Variants in LEMD1 observed in about 807,000 individuals in gnomAD.
LEMD1 encodes LEM domain-containing protein 1.
Under a neutral mutation model 17.4 loss-of-function variants are expected in LEMD1, and 18 were observed. The ratio of observed to expected loss-of-function variants is 1.04; its 90% CI spans 0.72 to 1.54. LEMD1 has a LOEUF of 1.54. LEMD1 is among the 40% of genes most tolerant of loss of function. The pLI, the probability that LEMD1 is intolerant of heterozygous loss-of-function variation, is 0.00. For synonymous variants in LEMD1, 88 were observed against 77.8 expected (o/e 1.13, Z -0.69); for missense variants, 195 against 210.4 (o/e 0.93, Z 0.45).
chr1:205,414,420 C>CA (rs11453227), intron 4 of LEMD1, among the ~76,000 whole-genome samples: 101,063 of 140,268 alleles, frequency 0.72, 36,028 homozygotes, highest in East Asian at 0.93. Flanking sequence ...CCTGTCTCTA[C>CA]AAAAAAAAAA....
intron 4 of LEMD1, among the ~76,000 whole-genome samples, chr1:205,412,001 C>T (rs1283123326): frequency 1.3e-5 from 2 of 152,168 alleles, no homozygotes; most frequent in African/African-American, 2.4e-5. Context: ...ACCTTGGAAC[C>T]GCTCCCAAAC....
At chr1:205,400,218 T>C (rs1321590523) in intron 4 of LEMD1, among the ~76,000 whole-genome samples, 1 of 152,118 alleles carries the variant, frequency 6.6e-6, no homozygotes, top group Non-Finnish European at 1.5e-5. Context: ...CGTGCCACCA[T>C]GCCCAGCTAA....
In LEMD1 at chr1:205,421,991, C is replaced by A. The variant is rs1014862389; in HGVS notation, c.-40G>T. 2 of 152,146 alleles carry A rather than the reference C, an allele frequency of 1.3e-5. No individual in the cohort carries two copies. The highest frequency in any genetic ancestry group is 4.8e-5 in the African/African-American group (2 of 41,422). 9.4% of individuals were successfully genotyped at this position (152,146 alleles called of 1,614,324 possible). A position where few individuals can be genotyped will look rare whatever the true frequency, so the allele number is the denominator to read the frequency against. On this transcript the variant is annotated splice_region_variant and 5_prime_UTR_variant, in exon 1 of 6. Coordinates refer to ENST00000367153, the MANE Select transcript of LEMD1 (RefSeq NM_001199050.2). ...CAACTGGATGATTAATTCACTTACC[C>A]CTTCACATGGTTATCTAAAGTCTAT...
chr1:205,430,109 C>A (rs1391396541), intron 1 of LEMD1, among the ~76,000 whole-genome samples: 1 of 152,256 alleles, frequency 6.6e-6, no homozygotes, highest in Non-Finnish European at 1.5e-5. Context: ...ATCGAGAGAG[C>A]AAGAAAGAAG....
chr1:205,407,329 C>CAAA (rs1202450022), intron 4 of LEMD1, among the ~76,000 whole-genome samples: 5 of 55,280 alleles, frequency 9.0e-5, no homozygotes, highest in African/African-American at 1.5e-4. Context: ...GACCCCATCT[C>CAAA]AAAAAAAAAA....
At chr1:205,403,552 C>T (rs1376831970) in intron 4 of LEMD1, among the ~76,000 whole-genome samples, 2 of 151,824 alleles carry the variant, frequency 1.3e-5, no homozygotes, top group African/African-American at 2.4e-5. Context: ...GTGATATCCC[C>T]TTTATCATTT....
intron 1 of LEMD1, among the ~76,000 whole-genome samples, chr1:205,432,102 G>A (rs1194575147): frequency 2.0e-5 from 3 of 152,178 alleles, no homozygotes; most frequent in Non-Finnish European, 4.4e-5. Flanking sequence ...AGATAACCAC[G>A]TGATATCTTT....
In LEMD1 at chr1:205,441,961, G is replaced by A. The variant is rs2102466127; in HGVS notation, c.-39+7907C>T. Among the ~76,000 whole-genome samples, 1 of 152,302 alleles carries A rather than the reference G, an allele frequency of 6.6e-6. No individual in the cohort carries two copies. Among genetic ancestry groups the A allele is most frequent in the Admixed American group, 6.5e-5 (1 of 15,304 alleles). On this transcript the variant is annotated intron_variant, in intron 1 of 3. Coordinates refer to the LEMD1 transcript ENST00000367154. This position sits in a 1 kb window ranked among gnomAD's most constrained non-coding sequence, Gnocchi z 4.3. ...GAAGAGAGGGAGCTTCAGGAGCTCA[G>A]CTTCAGTCTGCAAGAGTATCCCTTT...
chr1:205,416,382 C>A, intron 3 of LEMD1, 86 bp from the exon 4 acceptor site: 1 of 922,832 alleles, frequency 1.1e-6, no homozygotes. Context: ...AGGGTGAATT[C>A]TCTCAATTAG....
At chr1:205,429,107 C>G (rs181392901) in intron 1 of LEMD1, among the ~76,000 whole-genome samples, 11 of 152,370 alleles carry the variant, frequency 7.2e-5, no homozygotes, top group African/African-American at 2.4e-4. Context: ...TCAGGCAATT[C>G]CAAGTGATCA....
chr1:205,390,620 G>C (rs999613956), intron 4 of LEMD1, among the ~76,000 whole-genome samples: 2 of 152,136 alleles, frequency 1.3e-5, no homozygotes, highest in South Asian at 4.1e-4. Context: ...TGCAGAAAAA[G>C]TATTACAATT....
At chr1:205,419,194 A>C in intron 3 of LEMD1, 36 bp downstream of exon 3, 3 of 1,608,336 alleles carry the variant, frequency 1.9e-6, no homozygotes, top group East Asian at 4.5e-5. Flanking sequence ...TAATAAGTGC[A>C]AAGTTGCCAT....
At chr1:205,395,258 C>T (rs1664535895) in intron 4 of LEMD1, among the ~76,000 whole-genome samples, 2 of 152,024 alleles carry the variant, frequency 1.3e-5, no homozygotes, top group South Asian at 4.1e-4. Context: ...TCAACATGAC[C>T]ACGTAAGAAT....
chr1:205,416,286 G>T lies in LEMD1; in HGVS notation c.216C>A (p.Ile72=), dbSNP rs573514558. Residue 72 remains isoleucine, a synonymous_variant, in exon 4 of 6, where the codon ATC becomes ATA. Coordinates refer to ENST00000367153, the MANE Select transcript of LEMD1 (RefSeq NM_001199050.2). ...AGAGTATGATATTTCCTTGCAAAAT[G>T]ATATTAAGCTCTGGATCATGGGAAA... ...QDSDDSEELN[I]ILQGNIILST... 4 of 1,547,600 alleles carry T rather than the reference G, an allele frequency of 2.6e-6. No individual in the cohort carries two copies. Among genetic ancestry groups the T allele is most frequent in the African/African-American group, 2.7e-5 (2 of 73,022 alleles).
At chr1:205,425,315 A>G (rs1575001321), upstream of LEMD1, among the ~76,000 whole-genome samples, 1 of 152,176 alleles carries the variant, frequency 6.6e-6, no homozygotes, top group Admixed American at 6.5e-5. Flanking sequence ...AATCTTTCCT[A>G]GGCTAATATT....
chr1:205,429,225 CGGA>C (rs1424050910), intron 1 of LEMD1, among the ~76,000 whole-genome samples: 1 of 152,166 alleles, frequency 6.6e-6, no homozygotes, highest in African/African-American at 2.4e-5. Context: ...GCTTGGGCAG[CGGA>C]GGAGATGAAG....
intron 1 of LEMD1, chr1:205,436,031 G>C (rs540385701): frequency 1.3e-5 from 2 of 152,352 alleles, no homozygotes; most frequent in East Asian, 3.9e-4. Flanking sequence ...TGAACAACGG[G>C]ATAAAAATAG....
intron 3 of LEMD1, 28 bp downstream of exon 3, chr1:205,419,202 C>G (rs1297316616): frequency 6.2e-7 from 1 of 1,609,394 alleles, no homozygotes; most frequent in South Asian, 1.1e-5. Context: ...GCAAAGTTGC[C>G]ATCTAGCAGT....
chr1:205,416,150 C>T, intron 4 of LEMD1, 82 bp downstream of exon 4: 2 of 833,178 alleles, frequency 2.4e-6, no homozygotes, highest in Non-Finnish European at 1.9e-6. Flanking sequence ...CTTGCTATCC[C>T]CTTTCTTAAT....
Sources: gnomAD v4.1 joint callset for allele counts (sites outside exome capture counted in the v4.1 genomes callset) on GRCh38, gnomAD v4.1.1 for gene constraint, Gnocchi (gnomAD v3.1) non-coding constraint, MANE v1.5 for transcripts, NCBI Gene and HGNC (gene_info 2026-07-23, HGNC 2026-07-21) for gene names.